Variants in LRRC57 observed in about 807,000 individuals in gnomAD.
LRRC57 encodes the protein leucine-rich repeat-containing protein 57.
Under a neutral mutation model 23.1 loss-of-function variants are expected in LRRC57, and 14 were observed. The observed-to-expected ratio is 0.61, with a 90% CI of 0.40 to 0.95. LRRC57 has a LOEUF of 0.95. LRRC57 is among the 40% of genes least tolerant of loss of function. LRRC57 has a pLI of 0.00. For missense variants in LRRC57, 236 were observed against 284.4 expected, an observed-to-expected ratio of 0.83 and a Z score of 1.22; for synonymous variants, 106 against 115.2, an observed-to-expected ratio of 0.92 and a Z score of 0.51.
At chr15:42,529,784 G>A in the LRRC57 span, 2 of 1,613,176 alleles carry the variant, frequency 1.2e-6, no homozygotes, top group Non-Finnish European at 8.5e-7. Context: ...TGAGATTGAT[G>A]CTCAAAATCC....
chr15:42,537,233 T>TCACA (rs71108166), downstream of LRRC57, among the ~76,000 whole-genome samples: 1,992 of 136,560 alleles, frequency 0.015, 18 homozygotes, highest in East Asian at 0.039. Context: ...TCTCTCTCTC[T>TCACA]CACACACACA....
chr15:42,537,233 T>TCACACACA (rs71108166), downstream of LRRC57, among the ~76,000 whole-genome samples: 425 of 136,576 alleles, frequency 3.1e-3, 2 homozygotes, highest in Non-Finnish European at 3.4e-3. Flanking sequence ...TCTCTCTCTC[T>TCACACACA]CACACACACA....
downstream of LRRC57, among the ~76,000 whole-genome samples, chr15:42,537,250 C>T (rs1230207043): frequency 6.6e-6 from 1 of 151,434 alleles, no homozygotes; most frequent in Admixed American, 6.6e-5. Context: ...CACACACACA[C>T]ACACACACAC....
the LRRC57 span, chr15:42,531,404 GT>G: frequency 2.0e-6 from 3 of 1,530,880 alleles, no homozygotes; most frequent in Non-Finnish European, 8.8e-7. Context: ...TATCTTTCTT[GT>G]TTTTCAGGCT....
chr15:42,530,035 A>C, the LRRC57 span, among the ~76,000 whole-genome samples: 2 of 152,228 alleles, frequency 1.3e-5, no homozygotes, highest in Admixed American at 1.3e-4. Flanking sequence ...TTTGGAATAT[A>C]GTAGTTTTAC....
At chr15:42,537,081 C>G, downstream of LRRC57, among the ~76,000 whole-genome samples, 1 of 152,072 alleles carries the variant, frequency 6.6e-6, no homozygotes, top group East Asian at 1.9e-4. Flanking sequence ...ACATCCTGAA[C>G]TCAGTTGCAC....
At chr15:42,529,611 A>G in the LRRC57 span, 1 of 1,559,898 alleles carries the variant, frequency 6.4e-7, no homozygotes, top group Non-Finnish European at 8.7e-7. Context: ...TTTTGTGAAA[A>G]GTAAATCCAG....
At chr15:42,529,694 G>A in the LRRC57 span, 1 of 1,614,034 alleles carries the variant, frequency 6.2e-7, no homozygotes, top group Non-Finnish European at 8.5e-7. Context: ...TGATGCCAGA[G>A]AAGATGAAAT....
downstream of LRRC57, among the ~76,000 whole-genome samples, chr15:42,537,254 C>CACAT (rs2057605452): frequency 6.6e-6 from 1 of 151,482 alleles, no homozygotes; most frequent in Admixed American, 6.6e-5. Flanking sequence ...CACACACACA[C>CACAT]ACACACACAC....
chr15:42,531,721 A>C, the LRRC57 span: 1 of 350,324 alleles, frequency 2.9e-6, no homozygotes, highest in South Asian at 8.8e-5. Context: ...TTCATATGTC[A>C]TGTTTAGTGT....
chr15:42,530,385 CT>C, the LRRC57 span, among the ~76,000 whole-genome samples: 3 of 152,152 alleles, frequency 2.0e-5, no homozygotes, highest in Admixed American at 1.3e-4. Context: ...AGTTGTGATT[CT>C]TTTTTTTCCC....
intron 1 of LRRC57, 92 bp downstream of exon 1, chr15:42,548,601 C>G (rs1018269891): frequency 1.5e-6 from 1 of 678,234 alleles, no homozygotes; most frequent in Non-Finnish European, 2.5e-6. Flanking sequence ...GAAGAACACA[C>G]AGCCCGACCA....
At chr15:42,529,872 G>A in the LRRC57 span, 1 of 1,581,594 alleles carries the variant, frequency 6.3e-7, no homozygotes, top group Non-Finnish European at 8.6e-7. Flanking sequence ...CAGTGTTTCA[G>A]TAATAGACAT....
chr15:42,533,475 G>T (rs2057583723), downstream of LRRC57, among the ~76,000 whole-genome samples: 1 of 151,986 alleles, frequency 6.6e-6, no homozygotes, highest in Admixed American at 6.5e-5. Flanking sequence ...AAAATGAGTG[G>T]TTTGGCAGGG....
Position 42,548,466 on chromosome 15 carries a change from G to A in LRRC57, c.-22-10C>T, listed in dbSNP as rs760187688. The A allele has an allele frequency of 1.2e-6, 2 of 1,608,900 alleles. No individual in the cohort carries two copies. The highest frequency in any genetic ancestry group is 1.7e-6 in the Non-Finnish European group (2 of 1,178,642). On this transcript the variant is annotated splice_polypyrimidine_tract_variant and intron_variant, in intron 1 of 5. Coordinates refer to ENST00000397130, the MANE Select transcript of LRRC57 (RefSeq NM_153260.3). Reference sequence around the variant, plus strand: ...GCCGCGGCTCAGGTCCCTGCGGGAAGGAAGCGCTGCTGTCACCGCCCAGTC... The same window carrying A: ...GCCGCGGCTCAGGTCCCTGCGGGAAAGAAGCGCTGCTGTCACCGCCCAGTC...
Position 42,545,226 on chromosome 15 carries a change from G to A in LRRC57, c.529C>T (p.Arg177Cys), listed in dbSNP as rs762719937. The change falls in exon 5 of 6, where the codon CGC becomes TGC. Residue 177 changes from arginine (R) to cysteine (C), a missense_variant. Coordinates refer to ENST00000397130, the MANE Select transcript of LRRC57 (RefSeq NM_153260.3). Reference sequence around the variant, plus strand: ...TCTTCCAGGCGAAGAATTTTAAGGCGTGGACAGCAAGATATCTTCACTGAG... The same window carrying A: ...TCTTCCAGGCGAAGAATTTTAAGGCATGGACAGCAAGATATCTTCACTGAG... ...QISVKISCCPRLKILRLEENC... is the reference protein window; with the variant it reads ...QISVKISCCPCLKILRLEENC... 31 of 1,592,318 alleles carry A rather than the reference G, an allele frequency of 1.9e-5. 1 individual carries two copies. Among genetic ancestry groups the A allele is most frequent in the Admixed American group, 1.1e-4 (6 of 54,054 alleles).
At chr15:42,536,929 T>C (rs2057603135), downstream of LRRC57, among the ~76,000 whole-genome samples, 2 of 152,216 alleles carry the variant, frequency 1.3e-5, no homozygotes, top group South Asian at 4.1e-4. Context: ...TCCAGTCTTA[T>C]AACCATAATG....
rs149237373 is a variant in LRRC57 at position 42,539,203 on chromosome 15, G to C, written c.*4880C>G. 2.0e-5 allele frequency: 3 copies of C among 151,530 alleles called. No individual in the cohort carries two copies. Among genetic ancestry groups the C allele is most frequent in the Non-Finnish European group, 4.4e-5 (3 of 67,924 alleles). 9.4% of individuals were successfully genotyped at this position (151,530 alleles called of 1,614,324 possible). A position where few individuals can be genotyped will look rare whatever the true frequency, so the allele number is the denominator to read the frequency against. ...GTCTCAAAAAATACATATAGGCTGG[G>C]CGTGGTGGCTAACACCTGTAATCCC... is the stretch of plus-strand genomic sequence containing the variant. On this transcript the variant is annotated 3_prime_UTR_variant, in exon 6 of 6. Coordinates refer to ENST00000397130, the MANE Select transcript of LRRC57 (RefSeq NM_153260.3).
the LRRC57 span, chr15:42,531,376 C>T: frequency 7.1e-7 from 1 of 1,416,052 alleles, no homozygotes; most frequent in Non-Finnish European, 9.4e-7. Flanking sequence ...ATTAGAGTTA[C>T]TTACCTTGTA....
Sources: allele counts gnomAD v4.1 joint callset (sites outside exome capture counted in the v4.1 genomes callset), GRCh38; gene constraint gnomAD v4.1.1; transcripts MANE v1.5; gene names NCBI Gene and HGNC (gene_info 2026-07-23, HGNC 2026-07-21).